The following KCNIP4 variants were observed in gnomAD, a reference collection of about 807,000 sequenced individuals.
KCNIP4 encodes the protein Kv channel-interacting protein 4.
Under a neutral mutation model 34.0 loss-of-function variants are expected in KCNIP4, and 12 were observed. The observed-to-expected ratio is 0.35, with a 90% confidence interval of 0.23 to 0.57. KCNIP4 has a LOEUF of 0.57. KCNIP4 is among the 20% of genes least tolerant of loss of function. KCNIP4 has a pLI of 0.83. For synonymous variants in KCNIP4, 124 were observed against 102.2 expected (o/e 1.21, Z -1.29); for missense variants, 238 against 311.7 (o/e 0.76, Z 1.78).
At chr4:21,184,035 T>A (rs763737315) in intron 1 of KCNIP4, among the ~76,000 whole-genome samples, 4 of 152,184 alleles carry the variant, frequency 2.6e-5, no homozygotes, top group Non-Finnish European at 5.9e-5. Flanking sequence ...GCTTGTTTTC[T>A]TATTTATTGA....
At chr4:20,863,145 C>T (rs368410559) in intron 2 of KCNIP4, among the ~76,000 whole-genome samples, 102 of 152,180 alleles carry the variant, frequency 6.7e-4, no homozygotes, top group Admixed American at 1.8e-3. Context: ...GTGGGAGACC[C>T]GAGTTTTATT....
At chr4:21,919,646 G>A (rs1728832407) in intron 1 of KCNIP4, among the ~76,000 whole-genome samples, 1 of 152,118 alleles carries the variant, frequency 6.6e-6, no homozygotes, top group South Asian at 2.1e-4. Flanking sequence ...GGTTCCCATA[G>A]CCCTTTGCCA....
intron 1 of KCNIP4, among the ~76,000 whole-genome samples, chr4:21,135,091 G>T (rs946005113): frequency 6.6e-6 from 1 of 152,140 alleles, no homozygotes; most frequent in African/African-American, 2.4e-5. Flanking sequence ...TCAAAGACTG[G>T]GATCACTTAA....
At chr4:21,868,205 C>A (rs2109361412) in intron 1 of KCNIP4, among the ~76,000 whole-genome samples, 1 of 152,180 alleles carries the variant, frequency 6.6e-6, no homozygotes, top group South Asian at 2.1e-4. Context: ...CCACCATTGA[C>A]AAAATAGCAT....
chr4:21,693,515 A>G (rs1415830677), intron 1 of KCNIP4, among the ~76,000 whole-genome samples: 1 of 152,094 alleles, frequency 6.6e-6, no homozygotes, highest in African/African-American at 2.4e-5. Flanking sequence ...GTGAGCTGAG[A>G]TCGCACCACT....
intron 1 of KCNIP4, among the ~76,000 whole-genome samples, chr4:21,377,256 G>C (rs754778900): frequency 2.0e-5 from 3 of 152,144 alleles, no homozygotes; most frequent in African/African-American, 4.8e-5. Context: ...TGGTAACCCT[G>C]CTAGGGATAA....
intron 1 of KCNIP4, chr4:21,697,452 TA>T: frequency 1.3e-6 from 2 of 1,552,346 alleles, no homozygotes; most frequent in Non-Finnish European, 1.7e-6. Context: ...AGCAACAAGG[TA>T]TTCCTCTGAG....
chr4:20,799,403 C>T (rs963866177), intron 3 of KCNIP4, among the ~76,000 whole-genome samples: 39 of 152,324 alleles, frequency 2.6e-4, no homozygotes, highest in Admixed American at 6.5e-4. Context: ...GGCAGCCCCA[C>T]TAACCCACAT....
chr4:20,731,515 G>C lies in KCNIP4; in HGVS notation c.705+491C>G, dbSNP rs114994465. On this transcript the variant is annotated intron_variant, in intron 8 of 8. Transcript: ENST00000382152. ...CCACTGTTTATTTTTTGTGACTGAA[G>C]ACCATTAGTGAGTTCAGTCAAAGAG... is the stretch of plus-strand genomic sequence containing the variant. The C allele has an allele frequency of 9.0e-4, 882 of 985,302 alleles. 8 individuals carry two copies. The African/African-American group carries it at 0.014, about 16-fold the overall frequency. 61.0% of individuals were successfully genotyped at this position (985,302 alleles called of 1,614,324 possible). A position where few individuals can be genotyped will look rare whatever the true frequency, so the allele number is the denominator to read the frequency against.
intron 1 of KCNIP4, among the ~76,000 whole-genome samples, chr4:21,626,175 C>T (rs1745307535): frequency 6.6e-6 from 1 of 152,012 alleles, no homozygotes; most frequent in Admixed American, 6.6e-5. Flanking sequence ...AAAGTTCCTA[C>T]CTAAGACTGA....
At chr4:21,523,045 G>T (rs550151732) in intron 1 of KCNIP4, among the ~76,000 whole-genome samples, 1 of 151,828 alleles carries the variant, frequency 6.6e-6, no homozygotes, top group African/African-American at 2.4e-5. Flanking sequence ...AAAAAAAAAG[G>T]GGGGGACACT....
chr4:21,876,486 T>C (rs1726120904), intron 1 of KCNIP4, among the ~76,000 whole-genome samples: 1 of 152,048 alleles, frequency 6.6e-6, no homozygotes, highest in South Asian at 2.1e-4. Flanking sequence ...AATGAGGAAA[T>C]ACATTAATTA....
rs369985938 is a variant in KCNIP4 at position 21,247,800 on chromosome 4, GATAT to G, written c.62-365095_62-365092del. Among the ~76,000 whole-genome samples, 4 of 50,792 alleles carry G rather than the reference GATAT, an allele frequency of 7.9e-5. 1 individual carries two copies. Among genetic ancestry groups the G allele is most frequent in the Admixed American group, 4.2e-4 (2 of 4,774 alleles). 33.3% of individuals were successfully genotyped at this position (50,792 alleles called of 152,430 possible). The stretch of plus-strand genomic sequence containing the variant: ...TTTTTATATATATACACCACAGGTG[GATAT>G]ATATATATATATATATACACACACA... On this transcript the variant is annotated intron_variant, in intron 1 of 8. Coordinates refer to ENST00000382152, the MANE Select transcript of KCNIP4 (RefSeq NM_025221.6).
At chr4:21,125,409 G>A (rs1026523563) in intron 1 of KCNIP4, among the ~76,000 whole-genome samples, 1 of 151,782 alleles carries the variant, frequency 6.6e-6, no homozygotes, top group African/African-American at 2.4e-5. Context: ...TAGAGACGGG[G>A]TTTCACCATG....
chr4:21,923,190 T>C (rs777513777), intron 1 of KCNIP4, among the ~76,000 whole-genome samples: 2 of 152,174 alleles, frequency 1.3e-5, no homozygotes, highest in African/African-American at 2.4e-5. Flanking sequence ...ACAAAGAATA[T>C]AGGACTAAGC....
chr4:20,744,159 TTGG>T (rs1414383954), intron 5 of KCNIP4, among the ~76,000 whole-genome samples: 30 of 152,166 alleles, frequency 2.0e-4, no homozygotes, highest in Admixed American at 2.0e-3. Flanking sequence ...TTTTGCACTG[TTGG>T]TGGGACTGTA....
At chr4:21,074,090 A>C (rs1014173836) in intron 1 of KCNIP4, among the ~76,000 whole-genome samples, 1 of 152,120 alleles carries the variant, frequency 6.6e-6, no homozygotes, top group African/African-American at 2.4e-5. Context: ...ATATTGGTCT[A>C]AAATTCTCTT....
chr4:20,852,154 C>T (rs1721103222), intron 2 of KCNIP4, among the ~76,000 whole-genome samples: 1 of 133,894 alleles, frequency 7.5e-6, no homozygotes, highest in Non-Finnish European at 1.7e-5. Context: ...AATAACAAAA[C>T]CAGCAAATGA....
At chr4:21,888,314 G>T (rs1726902166) in intron 1 of KCNIP4, among the ~76,000 whole-genome samples, 1 of 152,100 alleles carries the variant, frequency 6.6e-6, no homozygotes. Context: ...ATTACTCATG[G>T]AGGTCCTCTG....
Sources: allele counts gnomAD v4.1 joint callset (sites outside exome capture counted in the v4.1 genomes callset), GRCh38; gene constraint gnomAD v4.1.1; transcripts MANE v1.5; gene names NCBI Gene and HGNC (gene_info 2026-07-23, HGNC 2026-07-21).